Variants in ERI1 observed in about 807,000 individuals in gnomAD.
The protein encoded by ERI1 is 3'-5' exoribonuclease 1.
ERI1 carries 39 observed loss-of-function variants against 39.7 expected under a neutral mutation model. The ratio of observed to expected loss-of-function variants is 0.98; its 90% CI spans 0.76 to 1.28. ERI1 has a LOEUF of 1.28. ERI1 is among the 50% of genes most tolerant of loss of function. ERI1 has a pLI of 0.00. For missense variants in ERI1, 581 were observed against 416.9 expected (o/e 1.39, Z -3.43); for synonymous variants, 204 against 149.6 (o/e 1.36, Z -2.65).
At chr8:9,080,615 C>T (rs1799339307) in intron 3 of ERI1, among the ~76,000 whole-genome samples, 1 of 152,208 alleles carries the variant, frequency 6.6e-6, no homozygotes, top group African/African-American at 2.4e-5. Context: ...TTCACCCGTT[C>T]CACCTTGCTA....
intron 1 of ERI1, among the ~76,000 whole-genome samples, chr8:9,007,178 T>G (rs1816109031): frequency 6.6e-6 from 1 of 152,240 alleles, no homozygotes. Flanking sequence ...CAGATTTTTA[T>G]TTATGAAAAA....
At chr8:9,037,264 C>A (rs1361834867), downstream of ERI1, among the ~76,000 whole-genome samples, 4 of 152,174 alleles carry the variant, frequency 2.6e-5, no homozygotes, top group East Asian at 7.7e-4. Flanking sequence ...ACTCCCCTCA[C>A]CATCACACTC....
In ERI1 at chr8:9,029,966, A is replaced by T. The variant is rs544932535; in HGVS notation, c.982A>T (p.Met328Leu). The change falls in exon 7 of 7, where the codon ATG becomes TTG. Residue 328 changes from methionine to leucine, a missense_variant. Coordinates refer to ENST00000250263, the MANE Select transcript of ERI1 (RefSeq NM_153332.4). ...INEKMHAGQL[M>L]SVSSSLPIEG... ...CGAGAAAATGCATGCAGGACAGCTAATGAGTGTGTCCTCTTCCTTACCAAT... is the reference window on the plus strand; with the variant it reads ...CGAGAAAATGCATGCAGGACAGCTATTGAGTGTGTCCTCTTCCTTACCAAT... 6.2e-7 allele frequency: 1 copy of T among 1,614,158 alleles called. No individual in the cohort carries two copies. Among genetic ancestry groups the T allele is most frequent in the South Asian group, 1.1e-5 (1 of 91,084 alleles).
At chr8:9,013,076 G>A (rs1364956697) in intron 3 of ERI1, among the ~76,000 whole-genome samples, 1 of 151,164 alleles carries the variant, frequency 6.6e-6, no homozygotes, top group Admixed American at 6.6e-5. Flanking sequence ...GTGCAGTGGT[G>A]CAAACCCAGC....
In ERI1 at chr8:9,004,264, C is replaced by G. The variant is rs1815715368; in HGVS notation, c.108+1093C>G. On this transcript the variant is annotated intron_variant, in intron 1 of 6. Coordinates refer to ENST00000250263, the MANE Select transcript of ERI1 (RefSeq NM_153332.4). ...GAACCACTCTTCCACCTGCCTCCCTCTTCAGCCTGAGATACGTTGTCAATC... is the reference window on the plus strand; with the variant it reads ...GAACCACTCTTCCACCTGCCTCCCTGTTCAGCCTGAGATACGTTGTCAATC... 3 of 1,193,896 alleles carry G rather than the reference C, an allele frequency of 2.5e-6. No homozygotes were observed. In the Admixed American group the frequency reaches 1.0e-4, roughly 40 times the overall value. The allele number at this position is 1,193,896 out of a possible 1,614,324, so 74.0% of individuals were successfully genotyped here. A position where few individuals can be genotyped will look rare whatever the true frequency, so the allele number is the denominator to read the frequency against.
At position 9,032,499 on chromosome 8, in the gene ERI1, G is replaced by C. The variant is rs752971735; in HGVS notation, c.*2465G>C. ...CATTTGCTCTGAAAAAAATGTTTTT[G>C]TGATGTGTCTTTGTTGCCTTGAGAT... is the stretch of plus-strand genomic sequence containing the variant. On this transcript the variant is annotated 3_prime_UTR_variant, in exon 7 of 7. Transcript: ENST00000250263. 2.0e-5 allele frequency: 3 copies of C among 151,974 alleles called. No homozygotes were observed. Among genetic ancestry groups the C allele is most frequent in the Non-Finnish European group, 4.4e-5 (3 of 68,002 alleles). The allele number at this position is 151,974 out of a possible 1,614,324, so 9.4% of individuals were successfully genotyped here. A position where few individuals can be genotyped will look rare whatever the true frequency, so the allele number is the denominator to read the frequency against.
At chr8:9,073,064 C>T (rs1799105019) in intron 3 of ERI1, among the ~76,000 whole-genome samples, 1 of 152,092 alleles carries the variant, frequency 6.6e-6, no homozygotes, top group African/African-American at 2.4e-5. Flanking sequence ...TTTTATTCAC[C>T]ACACTCATCA....
intron 6 of ERI1, among the ~76,000 whole-genome samples, chr8:9,021,595 C>A (rs1817898430): frequency 6.6e-6 from 1 of 152,124 alleles, no homozygotes; most frequent in Non-Finnish European, 1.5e-5. Context: ...TAACTTCCAC[C>A]CACTTAACTC....
At chr8:9,061,161 T>A (rs1798682635) in intron 3 of ERI1, among the ~76,000 whole-genome samples, 1 of 152,150 alleles carries the variant, frequency 6.6e-6, no homozygotes, top group Admixed American at 6.6e-5. Flanking sequence ...TGCTGATGAG[T>A]GGCGATTAGG....
intron 1 of ERI1, among the ~76,000 whole-genome samples, chr8:9,005,541 GTCTC>G (rs925868362): frequency 6.2e-5 from 9 of 146,276 alleles, no homozygotes; most frequent in African/African-American, 2.3e-4. Context: ...TTGAGAGGGA[GTCTC>G]TCTCTGTTGC....
rs1489477705 is a variant in ERI1, at chr8:9,030,999, G to A, written c.*965G>A. On this transcript the variant is annotated 3_prime_UTR_variant, in exon 7 of 7. Transcript: ENST00000250263. ...TTCTGATTTTACATAGTAAATGGCT[G>A]CTAAGTATTGAGTAATTCTTAACTA... is the stretch of plus-strand genomic sequence containing the variant. 3.3e-5 allele frequency: 5 copies of A among 152,158 alleles called. No homozygotes were observed. Among genetic ancestry groups the A allele is most frequent in the African/African-American group, 1.2e-4 (5 of 41,442 alleles). The allele number at this position is 152,158 out of a possible 1,614,324, so 9.4% of individuals were successfully genotyped here. A position where few individuals can be genotyped will look rare whatever the true frequency, so the allele number is the denominator to read the frequency against.
intron 3 of ERI1, among the ~76,000 whole-genome samples, chr8:9,097,393 T>A (rs1196800204): frequency 6.6e-6 from 1 of 152,172 alleles, no homozygotes; most frequent in Non-Finnish European, 1.5e-5. Flanking sequence ...CCAGGTGCGG[T>A]GGCTCACGCC....
chr8:9,048,013 A>G (rs1383504382), intron 3 of ERI1, among the ~76,000 whole-genome samples: 1 of 152,236 alleles, frequency 6.6e-6, no homozygotes, highest in East Asian at 1.9e-4. Context: ...GTCCAAGGCC[A>G]CAAAGCCAGT....
intron 3 of ERI1, among the ~76,000 whole-genome samples, chr8:9,066,907 T>C (rs1798897133): frequency 6.6e-6 from 1 of 151,820 alleles, no homozygotes; most frequent in East Asian, 1.9e-4. Context: ...GAGTGAGGGG[T>C]GGAGGAAGCA....
At chr8:9,041,807 T>G (rs1393768539) in intron 3 of ERI1, among the ~76,000 whole-genome samples, 1 of 152,218 alleles carries the variant, frequency 6.6e-6, no homozygotes, top group African/African-American at 2.4e-5. Flanking sequence ...TGATCTCGGC[T>G]GACTTCAACC....
intron 3 of ERI1, among the ~76,000 whole-genome samples, chr8:9,092,420 C>G (rs1799736887): frequency 6.6e-6 from 1 of 152,176 alleles, no homozygotes; most frequent in Non-Finnish European, 1.5e-5. Context: ...ACCTCTGAGT[C>G]TGGGCTGGAA....
intron 3 of ERI1, among the ~76,000 whole-genome samples, chr8:9,015,740 A>AAAAAAAG (rs1182633803): frequency 2.0e-5 from 3 of 148,518 alleles, no homozygotes; most frequent in South Asian, 2.1e-4. Context: ...AAAAAAAAAA[A>AAAAAAAG]AGAGACCATC....
downstream of ERI1, among the ~76,000 whole-genome samples, chr8:9,035,169 T>C (rs1420030669): frequency 2.0e-5 from 3 of 152,034 alleles, no homozygotes; most frequent in Non-Finnish European, 2.9e-5. Context: ...GTAGAAATTA[T>C]AGCAAGTTAT....
At position 9,051,652 on chromosome 8, in the gene ERI1, T is replaced by A. The variant is rs1798359459; in HGVS notation, n.299+31188T>A. Among the ~76,000 whole-genome samples the A allele has an allele frequency of 2.2e-5, 3 of 133,840 alleles. No homozygotes were observed. In the East Asian group the frequency reaches 5.8e-4, roughly 26 times the overall value. The allele number at this position is 133,840 out of a possible 152,430, so 87.8% of individuals were successfully genotyped here. On this transcript the variant is annotated intron_variant and non_coding_transcript_variant, in intron 3 of 3. Coordinates refer to the ERI1 transcript ENST00000518663. ...AGGCTGGGTGACAGCGCTGAGACCC[T>A]GTCTCAAAAAAAAAAAAAGAAGCAC...
Sources: gnomAD v4.1 joint callset for allele counts (sites outside exome capture counted in the v4.1 genomes callset) on GRCh38, gnomAD v4.1.1 for gene constraint, MANE v1.5 for transcripts, NCBI Gene and HGNC (gene_info 2026-07-23, HGNC 2026-07-21) for gene names.